The following PRIM2 variants were observed in gnomAD, a reference collection of about 807,000 sequenced individuals.
PRIM2 encodes the protein DNA primase large subunit.
Under a neutral mutation model 67.3 loss-of-function variants are expected in PRIM2, and 39 were observed. That is an observed-to-expected ratio of 0.58 (90% CI 0.45 to 0.76). The LOEUF is 0.76. PRIM2 is among the 30% of genes least tolerant of loss of function. PRIM2 has a pLI of 0.00. For synonymous variants in PRIM2, 143 were observed against 198.7 expected, an observed-to-expected ratio of 0.72 and a Z score of 2.36; for missense variants, 398 against 598.7, an observed-to-expected ratio of 0.66 and a Z score of 3.50.
chr6:57,365,357 A>G (rs1769322498), intron 5 of PRIM2, among the ~76,000 whole-genome samples: 1 of 150,590 alleles, frequency 6.6e-6, no homozygotes, highest in Non-Finnish European at 1.5e-5. Context: ...CAATTCTAGG[A>G]CTGCCTTATT....
chr6:57,304,748 T>C, the PRIM2 span, among the ~76,000 whole-genome samples: 2 of 152,118 alleles, frequency 1.3e-5, no homozygotes, highest in African/African-American at 4.8e-5. Context: ...GTAGGTGAGA[T>C]GCCTAGGTGA....
chr6:57,394,225 G>A (rs1043402667), intron 7 of PRIM2, among the ~76,000 whole-genome samples: 79 of 152,072 alleles, frequency 5.2e-4, no homozygotes, highest in Non-Finnish European at 7.5e-4. Flanking sequence ...TGATGGGATT[G>A]CATTGAATTT....
At chr6:57,642,920 A>G (rs1261004669) in intron 13 of PRIM2, among the ~76,000 whole-genome samples, 1 of 152,226 alleles carries the variant, frequency 6.6e-6, no homozygotes, top group African/African-American at 2.4e-5. Flanking sequence ...GGAACTTGAT[A>G]TATGCAAAGC....
intron 7 of PRIM2, among the ~76,000 whole-genome samples, chr6:57,473,789 C>G (rs1773395840): frequency 6.6e-6 from 1 of 152,154 alleles, no homozygotes; most frequent in Non-Finnish European, 1.5e-5. Flanking sequence ...CTTCCACCAC[C>G]CCTGCGCCCT....
At chr6:57,491,169 A>G (rs1342131266) in intron 7 of PRIM2, among the ~76,000 whole-genome samples, 1 of 152,196 alleles carries the variant, frequency 6.6e-6, no homozygotes. Context: ...GAATATCAAA[A>G]CCAAAGAAAT....
chr6:57,419,072 T>C (rs1216506832), intron 7 of PRIM2, among the ~76,000 whole-genome samples: 1 of 152,216 alleles, frequency 6.6e-6, no homozygotes, highest in African/African-American at 2.4e-5. Flanking sequence ...GCATGTGTGA[T>C]TGTAGTGGTG....
intron 13 of PRIM2, among the ~76,000 whole-genome samples, chr6:57,638,575 G>GC (rs1777164573): frequency 8.2e-5 from 1 of 12,124 alleles, no homozygotes. Context: ...CAAACAGAAA[G>GC]CAAAAAAAAA....
intron 7 of PRIM2, among the ~76,000 whole-genome samples, chr6:57,402,450 A>G (rs1217621662): frequency 1.3e-5 from 2 of 152,176 alleles, no homozygotes; most frequent in East Asian, 3.9e-4. Flanking sequence ...TCCATAAAGG[A>G]CTCAATGACA....
intron 10 of PRIM2, among the ~76,000 whole-genome samples, chr6:57,556,153 C>G (rs1342362477): frequency 1.3e-5 from 2 of 152,158 alleles, no homozygotes; most frequent in Non-Finnish European, 2.9e-5. Flanking sequence ...ATGACACAAA[C>G]AAATGGAAAA....
At chr6:57,292,352 C>T in the PRIM2 span, among the ~76,000 whole-genome samples, 1 of 152,070 alleles carries the variant, frequency 6.6e-6, no homozygotes, top group Non-Finnish European at 1.5e-5. Flanking sequence ...AAAGAGGACA[C>T]AAACAAATGG....
chr6:57,354,215 C>T (rs1243528205), intron 5 of PRIM2, among the ~76,000 whole-genome samples: 1 of 151,970 alleles, frequency 6.6e-6, no homozygotes, highest in Non-Finnish European at 1.5e-5. Context: ...CCCTACTTCT[C>T]TTTCTCCTTC....
At chr6:57,294,634 T>C in the PRIM2 span, among the ~76,000 whole-genome samples, 2 of 151,284 alleles carry the variant, frequency 1.3e-5, no homozygotes, top group Non-Finnish European at 2.9e-5. Flanking sequence ...TATATACATA[T>C]ATAACATATG....
chr6:57,603,010 TC>T (rs1229394087), intron 11 of PRIM2, among the ~76,000 whole-genome samples: 1 of 152,124 alleles, frequency 6.6e-6, no homozygotes, highest in African/African-American at 2.4e-5. Context: ...CATTGACAAA[TC>T]CTTATCATCC....
intron 10 of PRIM2, among the ~76,000 whole-genome samples, chr6:57,563,726 C>T (rs1775683780): frequency 6.6e-6 from 1 of 152,228 alleles, no homozygotes. Context: ...ACTGCAACCT[C>T]CGCCTCCTGG....
At chr6:57,530,715 T>C in intron 8 of PRIM2, among the ~76,000 whole-genome samples, 2 of 152,088 alleles carry the variant, frequency 1.3e-5, no homozygotes, top group South Asian at 4.2e-4. Context: ...TACCTTTTTT[T>C]TTTTCTTTTT....
At chr6:57,519,721 A>G (rs1482136794) in intron 8 of PRIM2, among the ~76,000 whole-genome samples, 1 of 152,244 alleles carries the variant, frequency 6.6e-6, no homozygotes, top group African/African-American at 2.4e-5. Context: ...GGATTAAGAG[A>G]TTAAAGTAAA....
the PRIM2 span, among the ~76,000 whole-genome samples, chr6:57,300,255 C>T: frequency 6.6e-6 from 1 of 152,200 alleles, no homozygotes; most frequent in South Asian, 2.1e-4. Context: ...CCTTATACTC[C>T]CTCTGTCCTC....
At chr6:57,589,120 C>T (rs1776242849) in intron 10 of PRIM2, among the ~76,000 whole-genome samples, 1 of 152,114 alleles carries the variant, frequency 6.6e-6, no homozygotes, top group Admixed American at 6.5e-5. Flanking sequence ...TTTTTCAAAG[C>T]AAAGGGAGGC....
chr6:57,291,584 G>A, the PRIM2 span, among the ~76,000 whole-genome samples: 3 of 152,150 alleles, frequency 2.0e-5, 1 homozygote, highest in Admixed American at 2.0e-4. Flanking sequence ...GAACATCGAT[G>A]CGAAAATCCT....
Sources: gnomAD v4.1 joint callset for allele counts (sites outside exome capture counted in the v4.1 genomes callset) on GRCh38, gnomAD v4.1.1 for gene constraint, MANE v1.5 for transcripts, NCBI Gene and HGNC (gene_info 2026-07-23, HGNC 2026-07-21) for gene names.